CEMIP: variants seen among roughly 807,000 people sequenced by gnomAD.
CEMIP encodes the protein cell migration-inducing and hyaluronan-binding protein.
In CEMIP, 105 loss-of-function variants were observed where a neutral mutation model predicts 156.9. The observed-to-expected ratio is 0.67, with a 90% CI of 0.57 to 0.79. The LOEUF is 0.79. Ranked by LOEUF, CEMIP falls within the 30% of genes least tolerant of loss-of-function variation. The pLI, the probability that CEMIP is intolerant of heterozygous loss-of-function variation, is 0.00. For missense variants in CEMIP, 1,457 were observed against 1,769.4 expected (o/e 0.82, Z 3.17); for synonymous variants, 676 against 668.4 (o/e 1.01, Z -0.17).
In CEMIP at chr15:80,884,178, T is replaced by C; in HGVS notation, c.621T>C (p.Phe207=). The change falls in exon 7 of 30, where the codon TTT becomes TTC. Residue 207 remains phenylalanine (F), a synonymous_variant. Coordinates refer to ENST00000394685, the MANE Select transcript of CEMIP (RefSeq NM_001293298.2). ...CTCTTCTCTCTGCCCTTTTTAGGTT[T>C]GACACCTATAGATCCAAGAAAGAGA... The part of the protein sequence containing the change: ...KSGTVIHSDR[F]DTYRSKKESE... 6.2e-7 allele frequency: 1 copy of C among 1,614,172 alleles called. No individual in the cohort carries two copies. The highest frequency in any genetic ancestry group is 1.7e-5 in the Admixed American group (1 of 60,030).
At chr15:80,884,138 C>G (rs1211649094) in intron 6 of CEMIP, 37 bp from the exon 7 acceptor site, 4 of 1,610,072 alleles carry the variant, frequency 2.5e-6, no homozygotes, top group Non-Finnish European at 2.5e-6. Flanking sequence ...TGGCTGCGGT[C>G]AAGACTATTC....
intron 1 of CEMIP, among the ~76,000 whole-genome samples, chr15:80,820,306 C>T (rs1177054112): frequency 6.6e-6 from 1 of 152,188 alleles, no homozygotes; most frequent in Non-Finnish European, 1.5e-5. Flanking sequence ...CACATGTCTT[C>T]CCAACTGCCA....
chr15:80,823,055 T>G (rs1896946221), intron 1 of CEMIP, among the ~76,000 whole-genome samples: 1 of 151,916 alleles, frequency 6.6e-6, no homozygotes, highest in African/African-American at 2.4e-5. Context: ...TTTTGCATAT[T>G]AAAATAACAA....
At chr15:80,879,571 C>A in intron 4 of CEMIP, 145 bp from the exon 5 acceptor site, 1 of 944,098 alleles carries the variant, frequency 1.1e-6, no homozygotes, top group Non-Finnish European at 1.7e-6. Flanking sequence ...CTTGTAAGTA[C>A]ACCAAGCATA....
At chr15:80,935,529 T>C (rs1901088230) in intron 23 of CEMIP, among the ~76,000 whole-genome samples, 1 of 152,232 alleles carries the variant, frequency 6.6e-6, no homozygotes, top group Non-Finnish European at 1.5e-5. Flanking sequence ...TACCTTCTGA[T>C]ACTCAGGGCA....
intron 1 of CEMIP, among the ~76,000 whole-genome samples, chr15:80,838,432 G>C (rs1897313738): frequency 6.6e-6 from 1 of 152,068 alleles, no homozygotes; most frequent in African/African-American, 2.4e-5. Context: ...CTGCCTAGTG[G>C]TTCTGAAATG....
chr15:80,896,194 A>G, intron 12 of CEMIP, 134 bp downstream of exon 12: 1 of 905,294 alleles, frequency 1.1e-6, no homozygotes, highest in East Asian at 2.6e-5. Context: ...AAAAATCTTA[A>G]AACTTCATGA....
chr15:80,843,242 G>T (rs1169710309), intron 1 of CEMIP, among the ~76,000 whole-genome samples: 1 of 152,214 alleles, frequency 6.6e-6, no homozygotes, highest in Non-Finnish European at 1.5e-5. Flanking sequence ...TAACTCACCA[G>T]TCCAGTGGTC....
intron 23 of CEMIP, among the ~76,000 whole-genome samples, chr15:80,936,321 C>T (rs944320959): frequency 6.6e-6 from 1 of 152,248 alleles, no homozygotes; most frequent in Non-Finnish European, 1.5e-5. Context: ...AGTTCTCTCT[C>T]TCTCTCTCTT....
At chr15:80,908,399 CCTT>C (rs1481779466) in intron 13 of CEMIP, among the ~76,000 whole-genome samples, 2 of 152,126 alleles carry the variant, frequency 1.3e-5, no homozygotes, top group African/African-American at 2.4e-5. Context: ...CCAAGACTAT[CCTT>C]CTTTAGTAGA....
At chr15:80,810,766 A>G (rs186497636) in intron 1 of CEMIP, among the ~76,000 whole-genome samples, 3 of 152,036 alleles carry the variant, frequency 2.0e-5, no homozygotes, top group Admixed American at 6.6e-5. Flanking sequence ...CCATCTACCA[A>G]ATCACCCACA....
In CEMIP at chr15:80,793,151, G is replaced by C. The variant is rs186562879; in HGVS notation, c.-176+13537G>C. On this transcript the variant is annotated intron_variant, in intron 1 of 29. Coordinates refer to ENST00000394685, the MANE Select transcript of CEMIP (RefSeq NM_001293298.2). Reference sequence around the variant, plus strand: ...GCTGCAGGTTTTGAGATTGACATGGGTGGCAGCAGGTTGGTGCAATAGTGA... The same window carrying C: ...GCTGCAGGTTTTGAGATTGACATGGCTGGCAGCAGGTTGGTGCAATAGTGA... 2.5e-4 allele frequency among the ~76,000 whole-genome samples: 38 copies of C among 152,308 alleles called. No individual in the cohort carries two copies. In the East Asian group the frequency reaches 7.1e-3, roughly 29 times the overall value.
intron 1 of CEMIP, among the ~76,000 whole-genome samples, chr15:80,780,069 C>A (rs1191829297): frequency 1.3e-5 from 2 of 152,132 alleles, no homozygotes; most frequent in East Asian, 3.9e-4. Flanking sequence ...AGCGGGCGTG[C>A]GCCTAGCAAC....
chr15:80,809,427 A>G (rs1264443841), intron 1 of CEMIP, among the ~76,000 whole-genome samples: 2 of 152,240 alleles, frequency 1.3e-5, no homozygotes, highest in Admixed American at 6.5e-5. Flanking sequence ...ATATTTCTTC[A>G]ATCAACTAGA....
chr15:80,839,289 A>AT (rs71455356), intron 1 of CEMIP, among the ~76,000 whole-genome samples: 8 of 131,186 alleles, frequency 6.1e-5, no homozygotes, highest in African/African-American at 2.4e-4. Context: ...CAAGGCCGTG[A>AT]GTGTGTGTGT....
chr15:80,783,209 G>A (rs1353652500), intron 1 of CEMIP, among the ~76,000 whole-genome samples: 1 of 152,154 alleles, frequency 6.6e-6, no homozygotes, highest in Non-Finnish European at 1.5e-5. Context: ...ACAATTTGAT[G>A]GATTAAATGC....
Position 80,920,296 on chromosome 15 carries a change from G to A in CEMIP, c.2000G>A (p.Cys667Tyr), listed in dbSNP as rs1277566626. Residue 667 changes from cysteine to tyrosine, a missense_variant, in exon 15 of 30, where the codon TGC (cysteine) becomes TAC (tyrosine). By Grantham distance (194) the Cys-to-Tyr change is radical. This residue lies in a region of CEMIP where 798 missense variants were observed against 980.1 expected (regional missense o/e 0.81). Coordinates refer to ENST00000394685, the MANE Select transcript of CEMIP (RefSeq NM_001293298.2). ...TACATCCCCAAGCCCAGGCAAGACT[G>A]CAAGTAAGTGCCTGGACCCCTCTCT... The part of the protein sequence containing the change: ...PGYIPKPRQD[C>Y]NAVSTFWMAN... 4.3e-6 allele frequency: 7 copies of A among 1,613,550 alleles called. No individual in the cohort carries two copies. Among genetic ancestry groups the A allele is most frequent in the Non-Finnish European group, 5.1e-6 (6 of 1,179,504 alleles).
intron 14 of CEMIP, 163 bp downstream of exon 14, chr15:80,909,469 C>G: frequency 1.3e-6 from 1 of 742,842 alleles, no homozygotes; most frequent in African/African-American, 1.7e-5. Context: ...ACCAACCAAA[C>G]AGGAAGGAGA....
chr15:80,916,200 C>T (rs1203081279), intron 14 of CEMIP, among the ~76,000 whole-genome samples: 1 of 152,178 alleles, frequency 6.6e-6, no homozygotes, highest in African/African-American at 2.4e-5. Flanking sequence ...ATCACACCTC[C>T]TTCACTTCAA....
Sources: allele counts gnomAD v4.1 joint callset (sites outside exome capture counted in the v4.1 genomes callset), GRCh38; gene constraint gnomAD v4.1.1; regional missense constraint gnomAD v4.1.1; transcripts MANE v1.5; gene names NCBI Gene and HGNC (gene_info 2026-07-23, HGNC 2026-07-21).